The following MRPS28 variants were observed in gnomAD, a reference collection of about 807,000 sequenced individuals.
MRPS28 encodes the protein small ribosomal subunit protein bS1m.
A neutral mutation model predicts 10.8 loss-of-function variants in MRPS28; 7 were observed. That is an observed-to-expected ratio of 0.65 (90% CI 0.37 to 1.22). MRPS28 has a LOEUF of 1.22. Ranked by LOEUF, MRPS28 falls within the 50% of genes most tolerant of loss-of-function variation. The probability of loss-of-function intolerance (pLI) is 0.02; values close to 1 mark genes in which losing one functional copy is unlikely to be tolerated. For missense variants in MRPS28, 265 were observed against 232.9 expected, an observed-to-expected ratio of 1.14 and a Z score of -0.90; for synonymous variants, 121 against 93.3, an observed-to-expected ratio of 1.30 and a Z score of -1.71.
intron 2 of MRPS28, among the ~76,000 whole-genome samples, chr8:79,968,332 A>C (rs75436192): frequency 6.6e-6 from 1 of 152,072 alleles, no homozygotes; most frequent in Admixed American, 6.5e-5. Context: ...GGTCCCAAAC[A>C]TAAGTGCACA....
chr8:79,970,595 A>ACTT (rs1158799530), intron 2 of MRPS28, among the ~76,000 whole-genome samples: 1 of 152,186 alleles, frequency 6.6e-6, no homozygotes, highest in Non-Finnish European at 1.5e-5. Flanking sequence ...AAAACTGTTT[A>ACTT]CAGAACTTGG....
intron 2 of MRPS28, among the ~76,000 whole-genome samples, chr8:79,962,153 A>C (rs1807385723): frequency 6.6e-6 from 1 of 152,108 alleles, no homozygotes; most frequent in Non-Finnish European, 1.5e-5. Flanking sequence ...GGTTAAAAAA[A>C]AAAGGAGAAG....
At chr8:79,947,324 T>C (rs147389809) in intron 2 of MRPS28, among the ~76,000 whole-genome samples, 444 of 152,340 alleles carry the variant, frequency 2.9e-3, no homozygotes, top group Non-Finnish European at 5.4e-3. Flanking sequence ...CCATACTGTA[T>C]TGTTACAATT....
chr8:79,952,500 G>A (rs569466594), intron 2 of MRPS28, among the ~76,000 whole-genome samples: 17 of 152,248 alleles, frequency 1.1e-4, no homozygotes, highest in African/African-American at 3.6e-4. Flanking sequence ...AAGAGGTAGC[G>A]ATGTTCTTAT....
rs61633169 is a variant in MRPS28 at position 79,979,915 on chromosome 8, CAAAAAA to C, written c.395+23078_395+23083del. 2.6e-4 allele frequency among the ~76,000 whole-genome samples: 8 copies of C among 31,360 alleles called. No homozygotes were observed. The South Asian group carries it at 8.9e-3, about 35-fold the overall frequency. The allele number at this position is 31,360 out of a possible 152,430, so 20.6% of individuals were successfully genotyped here. ...GCCACTAACATTCAGGATTCTCACG[CAAAAAA>C]AAAAAAAAAAAAAAAAAAAAAAGTC... On this transcript the variant is annotated intron_variant, in intron 2 of 2. Coordinates refer to ENST00000276585, the MANE Select transcript of MRPS28 (RefSeq NM_014018.3).
intron 1 of MRPS28, among the ~76,000 whole-genome samples, chr8:80,010,440 A>G (rs930921138): frequency 3.9e-5 from 6 of 152,242 alleles, no homozygotes; most frequent in African/African-American, 1.4e-4. Context: ...TACTACTTGA[A>G]AGATTATAAA....
At chr8:79,931,577 C>A (rs571123640) in intron 2 of MRPS28, among the ~76,000 whole-genome samples, 20 of 152,152 alleles carry the variant, frequency 1.3e-4, no homozygotes, top group Non-Finnish European at 2.5e-4. Flanking sequence ...AGAGGAATCA[C>A]CGTAGTTCCT....
At chr8:79,967,608 C>T (rs1215014744) in intron 2 of MRPS28, among the ~76,000 whole-genome samples, 1 of 152,142 alleles carries the variant, frequency 6.6e-6, no homozygotes, top group Non-Finnish European at 1.5e-5. Flanking sequence ...GTGTGTGCAA[C>T]GTGCTTTCTG....
chr8:80,030,019 A>G lies in MRPS28; in HGVS notation c.213+17T>C. ...GGCGTAATTCCCGCGACTCCCTCTC[A>G]CCCGCCCGGGCTCCACCTTCTGTAG... On this transcript the variant is annotated intron_variant, in intron 1 of 2. Coordinates refer to ENST00000276585, the MANE Select transcript of MRPS28 (RefSeq NM_014018.3). 1.2e-6 allele frequency: 2 copies of G among 1,602,654 alleles called. No individual in the cohort carries two copies. Among genetic ancestry groups the G allele is most frequent in the Admixed American group, 1.7e-5 (1 of 59,530 alleles).
Position 79,963,525 on chromosome 8 carries a change from C to G in MRPS28, c.395+39474G>C, listed in dbSNP as rs546351916. Reference sequence around the variant, plus strand: ...AAATGCATTTAGCCTATGATTACCCCCTTTCCAAACATTCTCTCATTCGCA... The same window carrying G: ...AAATGCATTTAGCCTATGATTACCCGCTTTCCAAACATTCTCTCATTCGCA... On this transcript the variant is annotated intron_variant, in intron 2 of 2. Transcript: ENST00000276585. Among the ~76,000 whole-genome samples, 6 of 152,194 alleles carry G rather than the reference C, an allele frequency of 3.9e-5. No homozygotes were observed. In the South Asian group the frequency reaches 1.0e-3, roughly 26 times the overall value.
chr8:79,956,315 T>C (rs552724390), intron 2 of MRPS28: 2 of 152,142 alleles, frequency 1.3e-5, no homozygotes, highest in Non-Finnish European at 2.9e-5. Context: ...TTATAAAATG[T>C]TTCATCTGGT....
intron 2 of MRPS28, among the ~76,000 whole-genome samples, chr8:80,002,566 C>G (rs1201717312): frequency 6.6e-6 from 1 of 151,932 alleles, no homozygotes; most frequent in Admixed American, 6.6e-5. Context: ...CTACATAAAC[C>G]ACAACAGAAT....
intron 1 of MRPS28, among the ~76,000 whole-genome samples, chr8:80,019,372 C>T (rs1176049446): frequency 6.7e-6 from 1 of 148,700 alleles, no homozygotes; most frequent in African/African-American, 2.5e-5. Context: ...TAATCCATCA[C>T]ATCAATTGGC....
chr8:80,012,316 C>T (rs1367484247), intron 1 of MRPS28, among the ~76,000 whole-genome samples: 1 of 152,158 alleles, frequency 6.6e-6, no homozygotes, highest in Non-Finnish European at 1.5e-5. Flanking sequence ...CAGACAAACC[C>T]TTGCTTCAAA....
intron 1 of MRPS28, 27 bp downstream of exon 1, chr8:80,030,009 A>G (rs1174321531): frequency 1.3e-6 from 2 of 1,596,662 alleles, no homozygotes; most frequent in Admixed American, 1.7e-5. Flanking sequence ...AATTCCCGCG[A>G]CTCCCTCTCA....
chr8:79,969,371 G>C (rs1807574535), intron 2 of MRPS28, among the ~76,000 whole-genome samples: 1 of 152,024 alleles, frequency 6.6e-6, no homozygotes, highest in African/African-American at 2.4e-5. Context: ...AATGAAGAAA[G>C]AAAATATTAA....
intron 1 of MRPS28, among the ~76,000 whole-genome samples, chr8:80,027,247 C>G (rs969178482): frequency 2.6e-5 from 4 of 152,292 alleles, no homozygotes; most frequent in African/African-American, 7.2e-5. Flanking sequence ...CTGTACCAGT[C>G]AATGTACTGA....
intron 1 of MRPS28, among the ~76,000 whole-genome samples, chr8:80,026,790 T>C (rs1263277116): frequency 6.6e-6 from 1 of 152,246 alleles, no homozygotes; most frequent in Non-Finnish European, 1.5e-5. Flanking sequence ...GTTTTTTGTT[T>C]GGTTTTGGGC....
intron 2 of MRPS28, among the ~76,000 whole-genome samples, chr8:79,928,704 G>C (rs1395238107): frequency 6.6e-6 from 1 of 150,906 alleles, no homozygotes; most frequent in East Asian, 2.1e-4. Flanking sequence ...GCCTCCCAAA[G>C]TGCTGGGATT....
Sources: gnomAD v4.1 joint callset for allele counts (sites outside exome capture counted in the v4.1 genomes callset) on GRCh38, gnomAD v4.1.1 for gene constraint, MANE v1.5 for transcripts, NCBI Gene and HGNC (gene_info 2026-07-23, HGNC 2026-07-21) for gene names.